Variants in B3GALT1 observed in about 807,000 individuals in gnomAD.
The protein encoded by B3GALT1 is UDP-Gal:betaGlcNAc beta 1,3-galactosyltransferase, polypeptide 1.
Under a neutral mutation model 23.2 loss-of-function variants are expected in B3GALT1, and 10 were observed. The ratio of observed to expected loss-of-function variants is 0.43; its 90% confidence interval spans 0.27 to 0.73. The LOEUF is 0.73. Ranked by LOEUF, B3GALT1 falls within the 30% of genes least tolerant of loss-of-function variation. The pLI, the probability that B3GALT1 is intolerant of heterozygous loss-of-function variation, is 0.21. For missense variants in B3GALT1, 299 were observed against 405.4 expected, an observed-to-expected ratio of 0.74 and a Z score of 2.25; for synonymous variants, 156 against 141.5, an observed-to-expected ratio of 1.10 and a Z score of -0.73.
intron 3 of B3GALT1, among the ~76,000 whole-genome samples, chr2:167,790,123 T>G (rs1688408707): frequency 6.6e-6 from 1 of 152,198 alleles, no homozygotes; most frequent in South Asian, 2.1e-4. Context: ...CTGCTGCACC[T>G]TGATGGCACG....
intron 3 of B3GALT1, among the ~76,000 whole-genome samples, chr2:167,787,197 A>T (rs1158829835): frequency 6.6e-6 from 1 of 152,182 alleles, no homozygotes; most frequent in African/African-American, 2.4e-5. Context: ...GATTTGCTCC[A>T]TCCTAACAGT....
rs545789744 is a variant in B3GALT1, at chr2:167,444,957, A to G, written c.-510-45220A>G. 5.3e-5 allele frequency among the ~76,000 whole-genome samples: 8 copies of G among 152,226 alleles called. No homozygotes were observed. The South Asian group carries it at 1.7e-3, about 32-fold the overall frequency. ...CTCTAGTTCTATTAATTGTGTTGTT[A>G]GGGTGTCAATTTTAGATCTTTCCTG... On this transcript the variant is annotated intron_variant, in intron 1 of 4. Transcript: ENST00000392690.
At chr2:167,823,835 T>A (rs1689159281) in intron 4 of B3GALT1, among the ~76,000 whole-genome samples, 1 of 152,266 alleles carries the variant, frequency 6.6e-6, no homozygotes, top group African/African-American at 2.4e-5. Flanking sequence ...ATGATAATAC[T>A]GGCTATTTCT....
intron 3 of B3GALT1, among the ~76,000 whole-genome samples, chr2:167,788,241 A>G (rs926181153): frequency 4.5e-5 from 6 of 134,382 alleles, no homozygotes; most frequent in African/African-American, 1.6e-4. Flanking sequence ...GACCAGTTTC[A>G]TGGAAGACAA....
rs115342420 is a variant in B3GALT1, at chr2:167,833,636, C to G, written c.-230+14843C>G. Reference sequence around the variant, plus strand: ...CACCATTGAAATGGGCATATCTTAACCTGGAGAAAGGAAAACTGAAAGTTA... The same window carrying G: ...CACCATTGAAATGGGCATATCTTAAGCTGGAGAAAGGAAAACTGAAAGTTA... On this transcript the variant is annotated intron_variant, in intron 4 of 4. Coordinates refer to ENST00000392690, the MANE Select transcript of B3GALT1 (RefSeq NM_020981.4). 4.9e-3 allele frequency among the ~76,000 whole-genome samples: 752 copies of G among 152,176 alleles called. 2 individuals carry two copies. Among genetic ancestry groups the G allele is most frequent in the Non-Finnish European group, 8.1e-3 (553 of 68,010 alleles).
chr2:167,808,292 G>A (rs112595136), intron 3 of B3GALT1, among the ~76,000 whole-genome samples: 1 of 151,156 alleles, frequency 6.6e-6, no homozygotes, highest in South Asian at 2.1e-4. Flanking sequence ...GGAGCATTTA[G>A]CCCATTTACC....
chr2:167,771,061 A>C (rs575013803), intron 3 of B3GALT1, among the ~76,000 whole-genome samples: 1 of 152,322 alleles, frequency 6.6e-6, no homozygotes, highest in Admixed American at 6.5e-5. Flanking sequence ...TTCAAATTAC[A>C]GCTCCGTGTC....
intron 1 of B3GALT1, among the ~76,000 whole-genome samples, chr2:167,322,305 AAAAAAT>A (rs1301601203): frequency 6.6e-6 from 1 of 151,814 alleles, no homozygotes; most frequent in Non-Finnish European, 1.5e-5. Context: ...TTTCTGAAAA[AAAAAAT>A]AGACCAGTAT....
intron 2 of B3GALT1, among the ~76,000 whole-genome samples, chr2:167,491,320 C>T (rs1240309775): frequency 3.3e-5 from 5 of 152,160 alleles, no homozygotes; most frequent in Non-Finnish European, 5.9e-5. Flanking sequence ...AATATCATCA[C>T]AGGTACCACC....
intron 2 of B3GALT1, among the ~76,000 whole-genome samples, chr2:167,565,696 A>G (rs1307726600): frequency 6.6e-6 from 1 of 152,224 alleles, no homozygotes; most frequent in Non-Finnish European, 1.5e-5. Flanking sequence ...GGGCAAGGAT[A>G]TGAAGACACT....
chr2:167,515,683 A>G (rs1219200521), intron 2 of B3GALT1, among the ~76,000 whole-genome samples: 1 of 151,934 alleles, frequency 6.6e-6, no homozygotes. Flanking sequence ...CAATTTCTTT[A>G]TTTTCTTAAG....
intron 3 of B3GALT1, among the ~76,000 whole-genome samples, chr2:167,670,073 C>T (rs548954564): frequency 5.3e-5 from 8 of 152,308 alleles, no homozygotes; most frequent in African/African-American, 1.9e-4. Context: ...CCTATCCATG[C>T]TTTCAGTACT....
intron 1 of B3GALT1, among the ~76,000 whole-genome samples, chr2:167,339,758 A>T (rs1420401615): frequency 6.6e-6 from 1 of 152,216 alleles, no homozygotes; most frequent in Non-Finnish European, 1.5e-5. Context: ...GGTAAGCCTT[A>T]ACTAAAAACA....
At chr2:167,520,563 A>C (rs1046233358) in intron 2 of B3GALT1, among the ~76,000 whole-genome samples, 3 of 152,170 alleles carry the variant, frequency 2.0e-5, no homozygotes, top group South Asian at 4.1e-4. Context: ...CCCTCAGGAA[A>C]GTCAACAGCG....
At position 167,293,142 on chromosome 2, in the gene B3GALT1, C is replaced by G. The variant is rs1472413907; in HGVS notation, c.-703C>G. 1 of 151,372 alleles carries G rather than the reference C, an allele frequency of 6.6e-6. No homozygotes were observed. The highest frequency in any genetic ancestry group is 1.5e-5 in the Non-Finnish European group (1 of 67,800). 9.4% of individuals were successfully genotyped at this position (151,372 alleles called of 1,614,324 possible). On this transcript the variant is annotated 5_prime_UTR_variant, in exon 1 of 5. Transcript: ENST00000392690. Reference sequence around the variant, plus strand: ...CACCCCGCCGCGCCGCCGGCGCTGCCGGTCTTGCAGGCGGCCGCCGGGGAG... The same window carrying G: ...CACCCCGCCGCGCCGCCGGCGCTGCGGGTCTTGCAGGCGGCCGCCGGGGAG...
At chr2:167,697,515 A>G (rs950685015) in intron 3 of B3GALT1, among the ~76,000 whole-genome samples, 7 of 152,196 alleles carry the variant, frequency 4.6e-5, no homozygotes, top group African/African-American at 1.2e-4. Flanking sequence ...CCACACAACA[A>G]TACAGCTTGC....
intron 3 of B3GALT1, among the ~76,000 whole-genome samples, chr2:167,781,245 AT>A (rs1485425517): frequency 6.6e-6 from 1 of 152,160 alleles, no homozygotes; most frequent in Non-Finnish European, 1.5e-5. Context: ...ATACTGTTAA[AT>A]TTAAGGGTGA....
chr2:167,656,836 T>G (rs935640), intron 3 of B3GALT1, among the ~76,000 whole-genome samples: 127,695 of 151,966 alleles, frequency 0.84, 55,992 homozygotes, highest in Non-Finnish European at 0.96. Flanking sequence ...TGGGGGAGAG[T>G]TGGAACCCCT....
At chr2:167,794,457 A>G (rs538081890) in intron 3 of B3GALT1, among the ~76,000 whole-genome samples, 3 of 152,360 alleles carry the variant, frequency 2.0e-5, no homozygotes, top group African/African-American at 7.2e-5. Flanking sequence ...TGTACTTCGT[A>G]TAACAATAAC....
Sources: allele counts gnomAD v4.1 joint callset (sites outside exome capture counted in the v4.1 genomes callset), GRCh38; gene constraint gnomAD v4.1.1; transcripts MANE v1.5; gene names NCBI Gene and HGNC (gene_info 2026-07-23, HGNC 2026-07-21).